Variants in AGR2 observed in about 807,000 individuals in gnomAD.
The protein encoded by AGR2 is anterior gradient protein 2 homolog.
In AGR2, 27 loss-of-function variants were observed where a neutral mutation model predicts 25.9. The ratio of observed to expected loss-of-function variants is 1.04; its 90% CI spans 0.77 to 1.44. The LOEUF is 1.44. Among genes scored for constraint, AGR2 ranks in the 40% most tolerant of loss-of-function variants. The pLI is 0.00. For synonymous variants in AGR2, 78 were observed against 72.0 expected, an observed-to-expected ratio of 1.08 and a Z score of -0.42; for missense variants, 182 against 200.9, an observed-to-expected ratio of 0.91 and a Z score of 0.57.
intron 1 of AGR2, 143 bp from the exon 2 acceptor site, chr7:16,801,946 T>C: frequency 1.6e-6 from 1 of 613,112 alleles, no homozygotes; most frequent in Non-Finnish European, 2.7e-6. Context: ...TAAATAGCTC[T>C]GTTCCATGGG....
rs146224541 is a variant in AGR2 at position 16,802,641 on chromosome 7, A to G, written c.-7-838T>C. On this transcript the variant is annotated intron_variant, in intron 1 of 7. Coordinates refer to ENST00000419304, the MANE Select transcript of AGR2 (RefSeq NM_006408.4). ...ATCATAAAGTCAAAAAATTAAGTCAAACTTCTGTAAGTTGGGACTGTTTGT... is the reference window on the plus strand; with the variant it reads ...ATCATAAAGTCAAAAAATTAAGTCAGACTTCTGTAAGTTGGGACTGTTTGT... Among the ~76,000 whole-genome samples, 35 of 152,286 alleles carry G rather than the reference A, an allele frequency of 2.3e-4. No homozygotes were observed. In the East Asian group the frequency reaches 6.6e-3, roughly 29 times the overall value.
At chr7:16,799,074 T>C (rs1335464024) in intron 5 of AGR2, among the ~76,000 whole-genome samples, 1 of 152,144 alleles carries the variant, frequency 6.6e-6, no homozygotes, top group Non-Finnish European at 1.5e-5. Context: ...AGATTCATCA[T>C]GTCACTCACA....
intron 5 of AGR2, among the ~76,000 whole-genome samples, chr7:16,798,793 T>C: frequency 6.6e-6 from 1 of 152,134 alleles, no homozygotes; most frequent in Non-Finnish European, 1.5e-5. Flanking sequence ...GAGAGTCCAA[T>C]CTAGCACAGT....
chr7:16,793,910 T>C (rs1785001818), intron 7 of AGR2, among the ~76,000 whole-genome samples: 1 of 152,256 alleles, frequency 6.6e-6, no homozygotes, highest in Non-Finnish European at 1.5e-5. Context: ...ATCTTAATTA[T>C]TAAGTGCCTG....
chr7:16,799,044 AAG>A (rs972499250), intron 5 of AGR2, among the ~76,000 whole-genome samples: 4 of 152,132 alleles, frequency 2.6e-5, no homozygotes, highest in Non-Finnish European at 5.9e-5. Flanking sequence ...AAAATATGGA[AAG>A]AGAAAAGGGT....
intron 1 of AGR2, among the ~76,000 whole-genome samples, chr7:16,803,959 CA>C (rs143665339): frequency 0.027 from 4,075 of 152,234 alleles, 180 homozygotes; most frequent in East Asian, 0.14. Flanking sequence ...GATGGTAAGG[CA>C]TTTTTATTTA....
rs1280325734 is a variant in AGR2, at chr7:16,792,413, T to G, written c.*495A>C. The G allele has an allele frequency of 6.5e-6, 1 of 153,344 alleles. No individual in the cohort carries two copies. The highest frequency in any genetic ancestry group is 1.5e-5 in the Non-Finnish European group (1 of 68,516). The allele number at this position is 153,344 out of a possible 1,614,324, so 9.5% of individuals were successfully genotyped here. ...AGGTAGTGATGTGATTTTCTTGGGA[T>G]GTTTTTCTAAATATTCTTTTATGCT... On this transcript the variant is annotated 3_prime_UTR_variant, in exon 8 of 8. Coordinates refer to ENST00000419304, the MANE Select transcript of AGR2 (RefSeq NM_006408.4).
In AGR2 at chr7:16,792,701, A is replaced by G. The variant is rs1344421533; in HGVS notation, c.*207T>C. 5.3e-6 allele frequency: 3 copies of G among 560,786 alleles called. No homozygotes were observed. Among genetic ancestry groups the G allele is most frequent in the East Asian group, 5.8e-5 (2 of 34,762 alleles). 34.7% of individuals were successfully genotyped at this position (560,786 alleles called of 1,614,324 possible). A position where few individuals can be genotyped will look rare whatever the true frequency, so the allele number is the denominator to read the frequency against. ...TTTTTTTAGAAAATCATGGCTCACT[A>G]TGGTAGTATACAATATTGTTTTCAC... is the stretch of plus-strand genomic sequence containing the variant. On this transcript the variant is annotated 3_prime_UTR_variant, in exon 8 of 8. Coordinates refer to ENST00000419304, the MANE Select transcript of AGR2 (RefSeq NM_006408.4).
chr7:16,794,706 A>AT, intron 7 of AGR2: 1 of 1,190,770 alleles, frequency 8.4e-7, no homozygotes, highest in Non-Finnish European at 1.1e-6. Context: ...CCTAGAGAAA[A>AT]AGATACCTAA....
At position 16,801,055 on chromosome 7, in the gene AGR2, C is replaced by G. The variant is rs957798679; in HGVS notation, c.256+96G>C. On this transcript the variant is annotated intron_variant, in intron 4 of 7. Transcript: ENST00000419304. ...TATATAAAATATTCTTTCTTTAATGCAACTGTGGTTCTAAAGATACAAACA... is the reference window on the plus strand; with the variant it reads ...TATATAAAATATTCTTTCTTTAATGGAACTGTGGTTCTAAAGATACAAACA... 9.2e-6 allele frequency: 8 copies of G among 868,444 alleles called. No individual in the cohort carries two copies. The African/African-American group carries it at 1.4e-4, about 15-fold the overall frequency. 53.8% of individuals were successfully genotyped at this position (868,444 alleles called of 1,614,324 possible). A position where few individuals can be genotyped will look rare whatever the true frequency, so the allele number is the denominator to read the frequency against.
chr7:16,795,030 A>G lies in AGR2; in HGVS notation c.395-11T>C, dbSNP rs562542399. On this transcript the variant is annotated splice_polypyrimidine_tract_variant and intron_variant, in intron 6 of 7. Coordinates refer to ENST00000419304, the MANE Select transcript of AGR2 (RefSeq NM_006408.4). ...CTGTCAGAGATGGGTCTGCAAAGAT[A>G]AATGAAGCAAAAGGGAATGGAATGG... The G allele has an allele frequency of 1.1e-5, 17 of 1,613,774 alleles. No homozygotes were observed. Among genetic ancestry groups the G allele is most frequent in the Non-Finnish European group, 1.4e-5 (17 of 1,179,754 alleles).
At chr7:16,796,048 C>G (rs1357116790) in intron 6 of AGR2, among the ~76,000 whole-genome samples, 8 of 152,230 alleles carry the variant, frequency 5.3e-5, no homozygotes, top group Admixed American at 1.3e-4. Flanking sequence ...CCTGGCTGCA[C>G]ATTGGAATCA....
chr7:16,795,861 A>T (rs1785037108), intron 6 of AGR2, among the ~76,000 whole-genome samples: 1 of 152,224 alleles, frequency 6.6e-6, no homozygotes. Flanking sequence ...GCAATCTGTC[A>T]TTTCAGAATG....
chr7:16,802,947 C>T (rs1583810514), intron 1 of AGR2, among the ~76,000 whole-genome samples: 1 of 152,050 alleles, frequency 6.6e-6, no homozygotes, highest in African/African-American at 2.4e-5. Context: ...ATCCTCCCTC[C>T]TCAGCCTCCC....
intron 7 of AGR2, chr7:16,794,613 C>T (rs559490946): frequency 1.4e-5 from 7 of 502,492 alleles, no homozygotes; most frequent in Middle Eastern, 5.0e-4. Context: ...ACAATTATTA[C>T]ACTCAGTTCT....
rs886323193 is a variant in AGR2 at position 16,791,871 on chromosome 7, G to A, written c.*1037C>T. The A allele has an allele frequency of 2.6e-5, 4 of 152,192 alleles. No homozygotes were observed. The highest frequency in any genetic ancestry group is 6.5e-5 in the Admixed American group (1 of 15,274). 9.4% of individuals were successfully genotyped at this position (152,192 alleles called of 1,614,324 possible). Reference sequence around the variant, plus strand: ...CAAGACAAGCAACAGATACTGCAAAGCATTATATACAGCACCATAGTCCAG... The same window carrying A: ...CAAGACAAGCAACAGATACTGCAAAACATTATATACAGCACCATAGTCCAG... On this transcript the variant is annotated 3_prime_UTR_variant, in exon 8 of 8. Coordinates refer to ENST00000419304, the MANE Select transcript of AGR2 (RefSeq NM_006408.4).
intron 4 of AGR2, among the ~76,000 whole-genome samples, chr7:16,800,359 C>T (rs912326952): frequency 3.9e-5 from 6 of 152,166 alleles, no homozygotes; most frequent in African/African-American, 1.4e-4. Context: ...AAAGCACTAG[C>T]TGTGAGGTGG....
chr7:16,799,027 T>G (rs185855476), intron 5 of AGR2, among the ~76,000 whole-genome samples: 52 of 152,274 alleles, frequency 3.4e-4, no homozygotes, highest in Middle Eastern at 3.4e-3. Context: ...AGTTGTTCAC[T>G]GAATACAAAA....
In AGR2 at chr7:16,801,422, A is replaced by C. The variant is rs775485932; in HGVS notation, c.140-39T>G. On this transcript the variant is annotated intron_variant, in intron 2 of 7. Transcript: ENST00000419304. ...AATCAGTATATTTGAAGCTTGTATAAATTCAGACCCAAAGCTGTTGAAAAG... is the reference window on the plus strand; with the variant it reads ...AATCAGTATATTTGAAGCTTGTATACATTCAGACCCAAAGCTGTTGAAAAG... The C allele has an allele frequency of 3.8e-5, 60 of 1,583,778 alleles. No homozygotes were observed. The East Asian group carries it at 9.6e-4, about 25-fold the overall frequency.
Sources: gnomAD v4.1 joint callset for allele counts (sites outside exome capture counted in the v4.1 genomes callset) on GRCh38, gnomAD v4.1.1 for gene constraint, MANE v1.5 for transcripts, NCBI Gene and HGNC (gene_info 2026-07-23, HGNC 2026-07-21) for gene names.